MACROH2A1: variants seen among roughly 807,000 people sequenced by gnomAD.
The protein encoded by MACROH2A1 is macroH2A.1 histone.
In MACROH2A1, 2 loss-of-function variants were observed where a neutral mutation model predicts 31.6. The ratio of observed to expected loss-of-function variants is 0.06; its 90% CI spans 0.03 to 0.20. The LOEUF (loss-of-function observed/expected upper bound fraction) is 0.20, where lower values mean the gene tolerates loss of function less well. Among genes scored for constraint, MACROH2A1 ranks in the 10% least tolerant of loss-of-function variants. The pLI, the probability that MACROH2A1 is intolerant of heterozygous loss-of-function variation, is 1.00. For missense variants in MACROH2A1, 230 were observed against 474.0 expected (o/e 0.49, Z 4.78); for synonymous variants, 169 against 189.6 (o/e 0.89, Z 0.89).
chr5:135,351,262 A>C, intron 6 of MACROH2A1: 1 of 166,766 alleles, frequency 6.0e-6, no homozygotes, highest in Non-Finnish European at 1.3e-5. Flanking sequence ...CTACTAAAAC[A>C]TGGCATCTGT....
chr5:135,368,240 C>T (rs1405052975), intron 4 of MACROH2A1, among the ~76,000 whole-genome samples: 3 of 152,226 alleles, frequency 2.0e-5, no homozygotes, highest in African/African-American at 7.2e-5. Context: ...TCCCTGCATG[C>T]GGGTGAAAGC....
In MACROH2A1 at chr5:135,360,578, G is replaced by C. The variant is rs1241921771; in HGVS notation, c.507C>G (p.Ala169=). 6 of 1,613,820 alleles carry C rather than the reference G, an allele frequency of 3.7e-6. No homozygotes were observed. The highest frequency in any genetic ancestry group is 4.2e-6 in the Non-Finnish European group (5 of 1,179,820). Residue 169 remains alanine, a synonymous_variant, in exon 5 of 9, where the codon GCC becomes GCG. Transcript: ENST00000511689. The stretch of plus-strand genomic sequence containing the variant: ...TGCCCTCGGTTGTGCTGTCGGCGCT[G>C]GCTGCCTTACTGACTTCACCCTGCT... ...KKKQGEVSKA[A]SADSTTEGTP... is the part of the protein sequence containing the mutation.
chr5:135,372,967 T>C (rs552546923), intron 2 of MACROH2A1, among the ~76,000 whole-genome samples: 4 of 152,296 alleles, frequency 2.6e-5, no homozygotes, highest in Admixed American at 6.5e-5. Flanking sequence ...ATTACAATCT[T>C]CTGACCATAA....
rs1761409027 is a variant in MACROH2A1, at chr5:135,350,627, C to T, written c.688+2319G>A. On this transcript the variant is annotated intron_variant, in intron 6 of 8. Coordinates refer to ENST00000511689, the MANE Select transcript of MACROH2A1 (RefSeq NM_138610.3). ...AGAAATGTCCATTTGTGAGCTGCATCAGCCAGGATGCATGACATCCTGGCT... is the reference window on the plus strand; with the variant it reads ...AGAAATGTCCATTTGTGAGCTGCATTAGCCAGGATGCATGACATCCTGGCT... 1.4e-5 allele frequency: 7 copies of T among 508,828 alleles called. No homozygotes were observed. The East Asian group carries it at 2.1e-4, about 15-fold the overall frequency. 31.5% of individuals were successfully genotyped at this position (508,828 alleles called of 1,614,324 possible). A position where few individuals can be genotyped will look rare whatever the true frequency, so the allele number is the denominator to read the frequency against.
chr5:135,378,303 C>A (rs967028315), intron 2 of MACROH2A1, among the ~76,000 whole-genome samples: 2 of 152,234 alleles, frequency 1.3e-5, no homozygotes, highest in Non-Finnish European at 2.9e-5. Context: ...CCCTTCCCGG[C>A]GGGCCAGCAC....
At chr5:135,399,813 TGG>T (rs1202909849), upstream of MACROH2A1, 1 of 152,294 alleles carries the variant, frequency 6.6e-6, no homozygotes, top group Non-Finnish European at 1.5e-5. This position sits in a 1 kb window ranked among gnomAD's most constrained non-coding sequence, Gnocchi z 4.5. Flanking sequence ...GCCTTGCACA[TGG>T]AAGCGGTTAG....
chr5:135,350,019 G>A (rs1472372321), intron 6 of MACROH2A1, among the ~76,000 whole-genome samples: 3 of 152,110 alleles, frequency 2.0e-5, no homozygotes. Context: ...TCACACATGG[G>A]TGCCTCCCCC....
At chr5:135,343,000 C>T (rs1760161919) in intron 8 of MACROH2A1, among the ~76,000 whole-genome samples, 1 of 152,140 alleles carries the variant, frequency 6.6e-6, no homozygotes, top group African/African-American at 2.4e-5. Context: ...TTTCTGTGGT[C>T]CCAGTACACA....
In MACROH2A1 at chr5:135,352,791, G is replaced by A. The variant is rs370034546; in HGVS notation, c.688+155C>T. On this transcript the variant is annotated intron_variant, in intron 6 of 8. Coordinates refer to ENST00000511689, the MANE Select transcript of MACROH2A1 (RefSeq NM_138610.3). The stretch of plus-strand genomic sequence containing the variant: ...CCGTTTACACTTGGAATGGCCTGGA[G>A]TAAGTTGATATTCAGCGTCTACACT... Among the ~76,000 whole-genome samples, 73 of 152,190 alleles carry A rather than the reference G, an allele frequency of 4.8e-4. 1 individual carries two copies. In the South Asian group the frequency reaches 0.014, roughly 30 times the overall value.
Position 135,398,539 on chromosome 5 carries a change from T to G in MACROH2A1, c.-34+523A>C, listed in dbSNP as rs562771275. 1.4e-3 allele frequency among the ~76,000 whole-genome samples: 209 copies of G among 152,250 alleles called. 1 individual carries two copies. Among genetic ancestry groups the G allele is most frequent in the Non-Finnish European group, 2.5e-3 (168 of 67,984 alleles). The stretch of plus-strand genomic sequence containing the variant: ...GCCCCCGCCTTCCCCTCCCTGCAGA[T>G]AGCGAGCCAGACGCCTACACCTCGG... On this transcript the variant is annotated intron_variant, in intron 1 of 8. Transcript: ENST00000511689. The surrounding 1 kb of genome is among the most constrained non-coding windows in gnomAD (Gnocchi z 4.6).
chr5:135,341,243 G>A (rs1001907066), intron 8 of MACROH2A1, among the ~76,000 whole-genome samples: 6 of 152,226 alleles, frequency 3.9e-5, no homozygotes, highest in Non-Finnish European at 5.9e-5. Context: ...CCAGGGCAGA[G>A]AGGCTGATTC....
rs1265541626 is a variant in MACROH2A1 at position 135,388,770 on chromosome 5, A to C, written c.172+152T>G. ...GAGGCAAGATGTTAACAACTAGAGA[A>C]TCTAGGTGAAAATGTTCCTTGTACT... On this transcript the variant is annotated intron_variant, in intron 2 of 8. Transcript: ENST00000511689. The C allele has an allele frequency of 4.9e-5, 28 of 577,204 alleles. No individual in the cohort carries two copies. The South Asian group carries it at 6.6e-4, about 14-fold the overall frequency. 35.8% of individuals were successfully genotyped at this position (577,204 alleles called of 1,614,324 possible).
intron 2 of MACROH2A1, among the ~76,000 whole-genome samples, chr5:135,373,028 CAGA>C (rs1411020408): frequency 6.6e-6 from 1 of 152,210 alleles, no homozygotes; most frequent in African/African-American, 2.4e-5. Flanking sequence ...GGAAGGGAGG[CAGA>C]AGGAGAATGC....
At chr5:135,348,180 A>AT (rs1468888233) in intron 6 of MACROH2A1, among the ~76,000 whole-genome samples, 7 of 152,240 alleles carry the variant, frequency 4.6e-5, no homozygotes, top group African/African-American at 1.7e-4. Context: ...ATGTATGCAC[A>AT]TGTTCATGTA....
At chr5:135,391,348 T>C (rs1767208708) in intron 1 of MACROH2A1, among the ~76,000 whole-genome samples, 1 of 152,194 alleles carries the variant, frequency 6.6e-6, no homozygotes, top group South Asian at 2.1e-4. Context: ...CTTTTCCTAC[T>C]AGAGCACAGA....
At chr5:135,335,549 C>T (rs1265066059) in intron 8 of MACROH2A1, among the ~76,000 whole-genome samples, 1 of 152,184 alleles carries the variant, frequency 6.6e-6, no homozygotes, top group African/African-American at 2.4e-5. Flanking sequence ...TGCAGGTTCT[C>T]TGGGAAGGCA....
At chr5:135,380,618 G>A (rs778473350) in intron 2 of MACROH2A1, among the ~76,000 whole-genome samples, 3 of 152,124 alleles carry the variant, frequency 2.0e-5, no homozygotes, top group Non-Finnish European at 2.9e-5. Context: ...TGTCAGCCTC[G>A]AGGTTAGCTG....
At chr5:135,361,754 G>T (rs1412799590) in intron 4 of MACROH2A1, 1 of 152,188 alleles carries the variant, frequency 6.6e-6, no homozygotes. Context: ...GCCTATTTAG[G>T]ATTCAAATTC....
Position 135,334,744 on chromosome 5 carries a change from C to T in MACROH2A1, c.*232G>A, listed in dbSNP as rs570634568. 1.8e-5 allele frequency: 8 copies of T among 454,890 alleles called. No individual in the cohort carries two copies. In the South Asian group the frequency reaches 2.7e-4, roughly 15 times the overall value. The allele number at this position is 454,890 out of a possible 1,614,324, so 28.2% of individuals were successfully genotyped here. A position where few individuals can be genotyped will look rare whatever the true frequency, so the allele number is the denominator to read the frequency against. ...ATCTCCTAGGTTACACTAAGTCAGA[C>T]ACGGTCTGGAACACAGTGCTTAACA... On this transcript the variant is annotated 3_prime_UTR_variant, in exon 9 of 9. Transcript: ENST00000511689.
Sources: allele counts gnomAD v4.1 joint callset (sites outside exome capture counted in the v4.1 genomes callset), GRCh38; gene constraint gnomAD v4.1.1; non-coding constraint Gnocchi (gnomAD v3.1); transcripts MANE v1.5; gene names NCBI Gene and HGNC (gene_info 2026-07-23, HGNC 2026-07-21).